Variants in ZNF254 observed in about 807,000 individuals in gnomAD.
ZNF254 encodes CTD-2017D11.1.
ZNF254 carries 10 observed loss-of-function variants against 12.4 expected under a neutral mutation model. The observed-to-expected ratio is 0.80, with a 90% CI of 0.50 to 1.36. The LOEUF (loss-of-function observed/expected upper bound fraction) is 1.36, where lower values mean the gene tolerates loss of function less well. Ranked by LOEUF, ZNF254 falls within the 40% of genes most tolerant of loss-of-function variation. The probability of loss-of-function intolerance (pLI) is 0.00; values close to 1 mark genes in which losing one functional copy is unlikely to be tolerated. For synonymous variants in ZNF254, 305 were observed against 253.4 expected (o/e 1.20, Z -1.93); for missense variants, 996 against 763.9 (o/e 1.30, Z -3.58).
At chr19:24,116,075 C>T (rs183039154) in intron 3 of ZNF254, among the ~76,000 whole-genome samples, 68 of 152,310 alleles carry the variant, frequency 4.5e-4, no homozygotes, top group Admixed American at 2.4e-3. Flanking sequence ...ACTCTTAGTC[C>T]GATGGGCTTC....
At chr19:24,087,421 T>A in intron 1 of ZNF254, 84 bp downstream of exon 1, 1 of 1,554,680 alleles carries the variant, frequency 6.4e-7, no homozygotes, top group Non-Finnish European at 8.9e-7. Flanking sequence ...GACTCAGGCC[T>A]CCCCCCAGTC....
At chr19:24,113,857 G>A (rs1019279337) in intron 3 of ZNF254, among the ~76,000 whole-genome samples, 10 of 152,148 alleles carry the variant, frequency 6.6e-5, no homozygotes, top group African/African-American at 2.4e-4. Flanking sequence ...CAAAATCAAT[G>A]TACAACAATC....
intron 1 of ZNF254, among the ~76,000 whole-genome samples, chr19:24,099,526 AAGAC>A (rs1350788717): frequency 4.6e-5 from 7 of 152,308 alleles, no homozygotes; most frequent in Admixed American, 3.9e-4. Context: ...AGTAGCCAAA[AAGAC>A]AGCACCCTTT....
intron 3 of ZNF254, among the ~76,000 whole-genome samples, chr19:24,117,862 C>T (rs192851212): frequency 1.7e-3 from 257 of 151,970 alleles, no homozygotes; most frequent in African/African-American, 5.4e-3. Context: ...TTTTTTAAAA[C>T]TGAATCATAT....
intron 1 of ZNF254, among the ~76,000 whole-genome samples, chr19:24,095,386 G>C (rs185511853): frequency 4.3e-4 from 66 of 152,200 alleles, no homozygotes; most frequent in Non-Finnish European, 8.5e-4. Flanking sequence ...TATCAGAATA[G>C]TGCTGTTCTT....
At chr19:24,038,861 C>G (rs984353978) in intron 1 of ZNF254, among the ~76,000 whole-genome samples, 2 of 152,244 alleles carry the variant, frequency 1.3e-5, no homozygotes, top group African/African-American at 4.8e-5. Context: ...CTGGCATCTT[C>G]AGATGCGAAA....
At position 24,127,475 on chromosome 19, in the gene ZNF254, G is replaced by A. The variant is rs780867139; in HGVS notation, c.1475G>A (p.Cys492Tyr). ...RMHTGEKPYKCEECGKSFSQS... is the reference protein window; with the variant it reads ...RMHTGEKPYKYEECGKSFSQS... ...CACACTGGAGAGAAACCCTACAAATGTGAAGAATGTGGCAAATCTTTTAGC... is the reference window on the plus strand; with the variant it reads ...CACACTGGAGAGAAACCCTACAAATATGAAGAATGTGGCAAATCTTTTAGC... The change falls in exon 4 of 4, where the codon TGT becomes TAT. Residue 492 changes from cysteine to tyrosine, a missense_variant. By Grantham distance (194) the Cys-to-Tyr change is radical (BLOSUM62 -2). Coordinates refer to ENST00000357002, the MANE Select transcript of ZNF254 (RefSeq NM_203282.4). 1.2e-6 allele frequency: 2 copies of A among 1,613,450 alleles called. No individual in the cohort carries two copies. Among genetic ancestry groups the A allele is most frequent in the South Asian group, 1.1e-5 (1 of 91,046 alleles).
At chr19:24,087,024 G>C (rs940401702), upstream of ZNF254, 9 of 404,180 alleles carry the variant, frequency 2.2e-5, no homozygotes, top group Admixed American at 3.3e-4. Flanking sequence ...CTGCAGCTTA[G>C]GCTGTCACTC....
At chr19:24,109,059 G>A (rs1438764911) in intron 3 of ZNF254, among the ~76,000 whole-genome samples, 1 of 152,236 alleles carries the variant, frequency 6.6e-6, no homozygotes, top group East Asian at 1.9e-4. Flanking sequence ...GGAGACTGAG[G>A]CAGGAGAATC....
chr19:24,093,225 CTAT>C (rs1381257529), intron 1 of ZNF254, among the ~76,000 whole-genome samples: 1 of 151,898 alleles, frequency 6.6e-6, no homozygotes, highest in Non-Finnish European at 1.5e-5. Flanking sequence ...CAAATATTTC[CTAT>C]TATTCTGTTG....
At position 24,077,101 on chromosome 19, in the gene ZNF254, C is replaced by A. The variant is rs564154465; in HGVS notation, c.-93-28839C>A. ...AATTTTAAAATGCAGATTCACTGAG[C>A]CAGGCTAAATTGTGTATTCAGTGGG... On this transcript the variant is annotated intron_variant, in intron 2 of 4. Coordinates refer to the ZNF254 transcript ENST00000613065. Among the ~76,000 whole-genome samples the A allele has an allele frequency of 1.5e-3, 230 of 152,236 alleles. 2 individuals are homozygous for A. Among genetic ancestry groups the A allele is most frequent in the Non-Finnish European group, 2.3e-3 (158 of 68,024 alleles).
At chr19:24,054,452 T>A (rs1449351166) in intron 2 of ZNF254, among the ~76,000 whole-genome samples, 1 of 152,218 alleles carries the variant, frequency 6.6e-6, no homozygotes, top group Non-Finnish European at 1.5e-5. Flanking sequence ...ACTTCCTTGG[T>A]CTTCTCTTTT....
chr19:24,100,809 A>G (rs1972977117), intron 1 of ZNF254, among the ~76,000 whole-genome samples: 2 of 143,664 alleles, frequency 1.4e-5, no homozygotes, highest in Middle Eastern at 3.4e-3. Flanking sequence ...CTGTCTACTT[A>G]TATTCATGTT....
At chr19:24,110,289 G>A (rs1973588229) in intron 3 of ZNF254, among the ~76,000 whole-genome samples, 1 of 152,076 alleles carries the variant, frequency 6.6e-6, no homozygotes, top group Non-Finnish European at 1.5e-5. Flanking sequence ...CAGGCATGGT[G>A]GTGGCTCATA....
At chr19:24,111,199 A>G (rs1327921638) in intron 3 of ZNF254, among the ~76,000 whole-genome samples, 7 of 145,696 alleles carry the variant, frequency 4.8e-5, no homozygotes, top group Non-Finnish European at 8.9e-5. Flanking sequence ...GAGAATATGC[A>G]GTGTTTGGTT....
At chr19:24,048,126 G>A (rs971839294) in intron 2 of ZNF254, among the ~76,000 whole-genome samples, 12 of 150,770 alleles carry the variant, frequency 8.0e-5, no homozygotes, top group Admixed American at 6.6e-4. Context: ...TGGCCTGCAG[G>A]GTGGACCTAG....
Position 24,129,680 on chromosome 19 carries a change from C to A in ZNF254, c.*1700C>A, listed in dbSNP as rs1386147843. ...AGAGGAAATGAGATATCCATTACCTCTAGCATTTATTCTTTTTATTACAAG... is the reference window on the plus strand; with the variant it reads ...AGAGGAAATGAGATATCCATTACCTATAGCATTTATTCTTTTTATTACAAG... On this transcript the variant is annotated 3_prime_UTR_variant, in exon 4 of 4. Transcript: ENST00000357002. 6.6e-6 allele frequency: 1 copy of A among 151,902 alleles called. No individual in the cohort carries two copies. Among genetic ancestry groups the A allele is most frequent in the Non-Finnish European group, 1.5e-5 (1 of 67,922 alleles). 9.4% of individuals were successfully genotyped at this position (151,902 alleles called of 1,614,324 possible).
chr19:24,040,204 A>C (rs1462778259), intron 1 of ZNF254, among the ~76,000 whole-genome samples: 2 of 152,186 alleles, frequency 1.3e-5, no homozygotes, highest in Non-Finnish European at 2.9e-5. Context: ...AGAACTAATT[A>C]CAGGAGATCA....
chr19:24,090,687 T>C (rs1972319512), intron 1 of ZNF254, among the ~76,000 whole-genome samples: 1 of 152,196 alleles, frequency 6.6e-6, no homozygotes, highest in Non-Finnish European at 1.5e-5. Flanking sequence ...CTCACCTGCC[T>C]GAGCCTTCCA....
Sources: allele counts gnomAD v4.1 joint callset (sites outside exome capture counted in the v4.1 genomes callset), GRCh38; gene constraint gnomAD v4.1.1; transcripts MANE v1.5; gene names NCBI Gene and HGNC (gene_info 2026-07-23, HGNC 2026-07-21).